ADCY8: variants seen among roughly 807,000 people sequenced by gnomAD.
The protein encoded by ADCY8 is adenylate cyclase 8.
ADCY8 carries 51 observed loss-of-function variants against 119.7 expected under a neutral mutation model. The observed-to-expected ratio is 0.43, with a 90% CI of 0.34 to 0.54. ADCY8 has a LOEUF of 0.54. Among genes scored for constraint, ADCY8 ranks in the 20% least tolerant of loss-of-function variants. The pLI is 0.03. For synonymous variants in ADCY8, 665 were observed against 651.0 expected, an observed-to-expected ratio of 1.02 and a Z score of -0.33; for missense variants, 1,383 against 1,598.8, an observed-to-expected ratio of 0.87 and a Z score of 2.30.
At chr8:130,854,821 C>A (rs1203613216) in intron 9 of ADCY8, among the ~76,000 whole-genome samples, 1 of 113,328 alleles carries the variant, frequency 8.8e-6, no homozygotes, top group Non-Finnish European at 1.8e-5. Flanking sequence ...CTCCCTCCCT[C>A]CCTCCCTCCC....
intron 9 of ADCY8, among the ~76,000 whole-genome samples, chr8:130,867,327 G>A (rs1186895160): frequency 1.3e-5 from 2 of 152,244 alleles, no homozygotes; most frequent in Admixed American, 6.5e-5. Context: ...TAACTATTAT[G>A]AGCCTCAGTT....
At chr8:131,014,335 A>G (rs1423777277) in intron 1 of ADCY8, among the ~76,000 whole-genome samples, 1 of 152,240 alleles carries the variant, frequency 6.6e-6, no homozygotes, top group Non-Finnish European at 1.5e-5. Flanking sequence ...GTTTTGGTCT[A>G]TAATGCTGAG....
chr8:130,836,190 A>G, intron 12 of ADCY8, 87 bp downstream of exon 12: 3 of 1,388,750 alleles, frequency 2.2e-6, no homozygotes, highest in Non-Finnish European at 2.9e-6. Context: ...CTTAAGTTTT[A>G]GTAATGCAGC....
intron 9 of ADCY8, among the ~76,000 whole-genome samples, chr8:130,863,618 A>G (rs552572140): frequency 4.3e-4 from 66 of 152,088 alleles, no homozygotes; most frequent in Non-Finnish European, 8.7e-4. Flanking sequence ...TAGCATATCA[A>G]TTATATTTCT....
chr8:131,006,095 C>T (rs1706852446), intron 1 of ADCY8, among the ~76,000 whole-genome samples: 1 of 152,048 alleles, frequency 6.6e-6, no homozygotes, highest in Admixed American at 6.6e-5. Context: ...CAGCATGCTT[C>T]ACAATGCACA....
chr8:130,871,797 C>T (rs770681576), intron 8 of ADCY8, among the ~76,000 whole-genome samples: 2 of 152,174 alleles, frequency 1.3e-5, no homozygotes, highest in Non-Finnish European at 2.9e-5. Context: ...ACCCCACTCT[C>T]ATTATTCCCC....
At chr8:130,794,486 C>T (rs1432696322) in intron 15 of ADCY8, among the ~76,000 whole-genome samples, 3 of 152,170 alleles carry the variant, frequency 2.0e-5, no homozygotes, top group Admixed American at 6.5e-5. Context: ...CCTCGTGATC[C>T]GCCTGCCTCG....
At chr8:130,853,161 GT>G (rs1817593394) in intron 9 of ADCY8, among the ~76,000 whole-genome samples, 2 of 152,208 alleles carry the variant, frequency 1.3e-5, no homozygotes, top group African/African-American at 4.8e-5. Context: ...TATATGCACA[GT>G]TCAGACACTT....
intron 8 of ADCY8, among the ~76,000 whole-genome samples, chr8:130,876,352 G>A (rs1193691871): frequency 6.6e-6 from 1 of 152,054 alleles, no homozygotes; most frequent in African/African-American, 2.4e-5. Flanking sequence ...CTCCCGGCCG[G>A]GTTTGATTGT....
rs761299625 is a variant in ADCY8, at chr8:131,039,470, C to A, written c.864G>T (p.Pro288=). 1 of 1,614,078 alleles carries A rather than the reference C, an allele frequency of 6.2e-7. No homozygotes were observed. The highest frequency in any genetic ancestry group is 1.7e-5 in the Admixed American group (1 of 60,020). ...GGCCGGCCAGGATGGCCCAGGTGAGCGGCAGCGGCAGCATACTGTAGGTGG... is the reference window on the plus strand; with the variant it reads ...GGCCGGCCAGGATGGCCCAGGTGAGAGGCAGCGGCAGCATACTGTAGGTGG... ...LFATYSMLPL[P]LTWAILAGLG... Residue 288 remains proline (P), a synonymous_variant, in exon 1 of 18, where the codon CCG becomes CCT. Transcript: ENST00000286355.
At chr8:130,808,862 T>C (rs1182163374) in intron 14 of ADCY8, among the ~76,000 whole-genome samples, 1 of 150,988 alleles carries the variant, frequency 6.6e-6, no homozygotes, top group African/African-American at 2.4e-5. Context: ...CTCCAGCACC[T>C]GGGACAGCTG....
chr8:130,965,577 A>G (rs539492356), intron 2 of ADCY8, among the ~76,000 whole-genome samples: 1 of 152,318 alleles, frequency 6.6e-6, no homozygotes, highest in Non-Finnish European at 1.5e-5. Flanking sequence ...TCATTAAGTA[A>G]TGTTATGTTC....
chr8:130,916,696 A>G (rs1820139806), intron 5 of ADCY8, among the ~76,000 whole-genome samples: 1 of 152,260 alleles, frequency 6.6e-6, no homozygotes, highest in Non-Finnish European at 1.5e-5. Flanking sequence ...TAAGCCACAA[A>G]CAAAAGCATG....
chr8:130,937,466 T>C (rs979097558), intron 4 of ADCY8, among the ~76,000 whole-genome samples: 8 of 152,226 alleles, frequency 5.3e-5, no homozygotes, highest in African/African-American at 1.9e-4. Context: ...AGCTTTGCTA[T>C]ATACTAGCTC....
intron 1 of ADCY8, among the ~76,000 whole-genome samples, chr8:131,020,130 C>A (rs1006324463): frequency 6.6e-6 from 1 of 152,082 alleles, no homozygotes; most frequent in African/African-American, 2.4e-5. Context: ...TGAGGGAGAG[C>A]AGTCAGATCT....
At chr8:130,975,565 C>T (rs529970190) in intron 2 of ADCY8, among the ~76,000 whole-genome samples, 1 of 152,292 alleles carries the variant, frequency 6.6e-6, no homozygotes, top group South Asian at 2.1e-4. Flanking sequence ...TGGTGTCAGT[C>T]CCTAAATTAG....
intron 3 of ADCY8, 35 bp from the exon 4 acceptor site, chr8:130,943,497 G>GGGCCCCCCCCCCCCACC: frequency 2.0e-6 from 1 of 491,356 alleles, no homozygotes; most frequent in East Asian, 5.4e-5. Context: ...GTGGGGGGAG[G>GGGCCCCCCCCCCCCACC]AAGTATATTA....
At chr8:131,012,271 G>A (rs1382340622) in intron 1 of ADCY8, among the ~76,000 whole-genome samples, 1 of 152,120 alleles carries the variant, frequency 6.6e-6, no homozygotes. Context: ...GTGACCAGAG[G>A]CTCAGAGCAC....
At chr8:130,984,479 GTT>G (rs34093565) in intron 2 of ADCY8, among the ~76,000 whole-genome samples, 2,057 of 145,254 alleles carry the variant, frequency 0.014, 44 homozygotes, top group African/African-American at 0.048. Context: ...AGTTTGTTTA[GTT>G]TTTTTTTTTT....
Sources: allele counts gnomAD v4.1 joint callset (sites outside exome capture counted in the v4.1 genomes callset), GRCh38; gene constraint gnomAD v4.1.1; transcripts MANE v1.5; gene names NCBI Gene and HGNC (gene_info 2026-07-23, HGNC 2026-07-21).